Variants in ACTR5 observed in about 807,000 individuals in gnomAD.
ACTR5 encodes actin-related protein 5.
In ACTR5, 43 loss-of-function variants were observed where a neutral mutation model predicts 61.2. The observed-to-expected ratio is 0.70, with a 90% CI of 0.55 to 0.91. The LOEUF is 0.91. ACTR5 is among the 40% of genes least tolerant of loss of function. ACTR5 has a pLI of 0.00. For missense variants in ACTR5, 798 were observed against 782.2 expected (o/e 1.02, Z -0.24); for synonymous variants, 333 against 310.5 (o/e 1.07, Z -0.76).
At position 38,772,021 on chromosome 20, in the gene ACTR5, G is replaced by GA; in HGVS notation, c.*206dup. The GA allele has an allele frequency of 1.5e-6, 1 of 667,062 alleles. No homozygotes were observed. Among genetic ancestry groups the GA allele is most frequent in the Non-Finnish European group, 2.5e-6 (1 of 404,810 alleles). 41.3% of individuals were successfully genotyped at this position (667,062 alleles called of 1,614,324 possible). ...GGTTCACTTGGGGGCTTCTGTGGTA[G>GA]AGACTAACTGGCCTTCTGATGTCTT... On this transcript the variant is annotated 3_prime_UTR_variant, in exon 9 of 9. Coordinates refer to ENST00000243903, the MANE Select transcript of ACTR5 (RefSeq NM_024855.4).
At chr20:38,756,858 C>T (rs1003810968) in intron 5 of ACTR5, among the ~76,000 whole-genome samples, 6 of 152,302 alleles carry the variant, frequency 3.9e-5, no homozygotes, top group Non-Finnish European at 5.9e-5. Flanking sequence ...GAGCCGAGAC[C>T]GCTCCGTTGC....
At chr20:38,754,889 G>C (rs1461207497) in intron 3 of ACTR5, 68 bp from the exon 4 acceptor site, 18 of 1,534,740 alleles carry the variant, frequency 1.2e-5, no homozygotes, top group East Asian at 1.1e-4. Context: ...GCGCCCAGCT[G>C]GTATTGACTT....
At chr20:38,763,455 G>A (rs147710508) in intron 5 of ACTR5, among the ~76,000 whole-genome samples, 66 of 152,300 alleles carry the variant, frequency 4.3e-4, no homozygotes, top group Middle Eastern at 3.4e-3. Flanking sequence ...GCCTCAGCTG[G>A]TCTTGCTGCT....
At chr20:38,764,971 C>T (rs1242924381) in intron 5 of ACTR5, among the ~76,000 whole-genome samples, 1 of 152,250 alleles carries the variant, frequency 6.6e-6, no homozygotes, top group Non-Finnish European at 1.5e-5. Context: ...TGCTCCCTGG[C>T]CAGCAGATGT....
In ACTR5 at chr20:38,748,715, G is replaced by A. The variant is rs554183502; in HGVS notation, c.237G>A (p.Gln79=). 1 of 1,546,170 alleles carries A rather than the reference G, an allele frequency of 6.5e-7. No homozygotes were observed. Among genetic ancestry groups the A allele is most frequent in the East Asian group, 2.5e-5 (1 of 39,758 alleles). The change falls in exon 1 of 9, where the codon CAG becomes CAA. Residue 79 remains glutamine, a synonymous_variant. Coordinates refer to ENST00000243903, the MANE Select transcript of ACTR5 (RefSeq NM_024855.4). ...RGGARGASGP[Q]VGNALGSLEP... is the part of the protein sequence containing the mutation. ...GGGCACGGGGCGCGTCGGGCCCGCAGGTGGGGAACGCTCTGGGCAGCCTGG... is the reference window on the plus strand; with the variant it reads ...GGGCACGGGGCGCGTCGGGCCCGCAAGTGGGGAACGCTCTGGGCAGCCTGG...
rs1448332714 is a variant in ACTR5 at position 38,755,993 on chromosome 20, A to G, written c.1130A>G (p.Gln377Arg). ...GAGCAGGCTAAGCAGAAAATCCTCCAAGCGGAAGTCAACCTCGAGGTGGAT... is the reference window on the plus strand; with the variant it reads ...GAGCAGGCTAAGCAGAAAATCCTCCGAGCGGAAGTCAACCTCGAGGTGGAT... Reference protein sequence around the residue: ...AVEQAKQKILQAEVNLEVDVV... With the variant: ...AVEQAKQKILRAEVNLEVDVV... Residue 377 changes from glutamine (Q) to arginine (R), a missense_variant, in exon 5 of 9, where the codon CAA becomes CGA. Gln to Arg is a conservative substitution (Grantham distance 43). Coordinates refer to ENST00000243903, the MANE Select transcript of ACTR5 (RefSeq NM_024855.4). The G allele has an allele frequency of 3.1e-6, 5 of 1,613,894 alleles. No homozygotes were observed. In the South Asian group the frequency reaches 4.4e-5, roughly 14 times the overall value.
chr20:38,754,918 T>G (rs1479668997), intron 3 of ACTR5, 39 bp from the exon 4 acceptor site: 1 of 1,600,340 alleles, frequency 6.2e-7, no homozygotes, highest in Admixed American at 1.7e-5. Flanking sequence ...GTGTTAATAG[T>G]GTTTCCATTT....
Position 38,748,707 on chromosome 20 carries a change from G to A in ACTR5, c.229G>A (p.Gly77Ser), listed in dbSNP as rs748223812. Reference protein sequence around the residue: ...RGRGGARGASGPQVGNALGSL... With the variant: ...RGRGGARGASSPQVGNALGSL... ...TCGTGGCGGGGCACGGGGCGCGTCGGGCCCGCAGGTGGGGAACGCTCTGGG... is the reference window on the plus strand; with the variant it reads ...TCGTGGCGGGGCACGGGGCGCGTCGAGCCCGCAGGTGGGGAACGCTCTGGG... The change falls in exon 1 of 9, where the codon GGC becomes AGC. Residue 77 changes from glycine (G) to serine (S), a missense_variant. Gly to Ser is a moderately conservative substitution (Grantham distance 56). Transcript: ENST00000243903. 6.5e-7 allele frequency: 1 copy of A among 1,533,318 alleles called. No homozygotes were observed. The highest frequency in any genetic ancestry group is 2.6e-5 in the East Asian group (1 of 38,882). 95.0% of individuals were successfully genotyped at this position (1,533,318 alleles called of 1,614,324 possible).
At position 38,755,130 on chromosome 20, in the gene ACTR5, C is replaced by T. The variant is rs1284119044; in HGVS notation, c.949C>T (p.Leu317=). ...ELNARRREEK[L]QLDQERLDRL... Reference sequence around the variant, plus strand: ...CAATGCCCGGCGGCGGGAGGAGAAGCTGCAGCTGGATCAGGAGCGTCTGGA... The same window carrying T: ...CAATGCCCGGCGGCGGGAGGAGAAGTTGCAGCTGGATCAGGAGCGTCTGGA... The change falls in exon 4 of 9, where the codon CTG becomes TTG. Residue 317 remains leucine (L), a synonymous_variant. Coordinates refer to ENST00000243903, the MANE Select transcript of ACTR5 (RefSeq NM_024855.4). The T allele has an allele frequency of 1.2e-6, 2 of 1,613,652 alleles. No homozygotes were observed. Among genetic ancestry groups the T allele is most frequent in the African/African-American group, 2.7e-5 (2 of 74,938 alleles).
In ACTR5 at chr20:38,772,272, A is replaced by G. The variant is rs1601207606; in HGVS notation, c.*456A>G. On this transcript the variant is annotated 3_prime_UTR_variant, in exon 9 of 9. Transcript: ENST00000243903. ...CCCAGTGAGGGGAGGTCTTTCATGC[A>G]TATAAAAAGGTAATGTTTATTGCCG... 3 of 173,604 alleles carry G rather than the reference A, an allele frequency of 1.7e-5. No individual in the cohort carries two copies. Among genetic ancestry groups the G allele is most frequent in the Admixed American group, 1.1e-4 (2 of 18,216 alleles). 10.8% of individuals were successfully genotyped at this position (173,604 alleles called of 1,614,324 possible). A position where few individuals can be genotyped will look rare whatever the true frequency, so the allele number is the denominator to read the frequency against.
chr20:38,758,211 C>A (rs886264713), intron 5 of ACTR5, among the ~76,000 whole-genome samples: 1 of 152,174 alleles, frequency 6.6e-6, no homozygotes, highest in African/African-American at 2.4e-5. Context: ...TGTGATTCAT[C>A]ACCCATTCCC....
Position 38,766,507 on chromosome 20 carries a change from G to T in ACTR5, c.1433+130G>T. The T allele has an allele frequency of 3.3e-6, 4 of 1,210,872 alleles. No individual in the cohort carries two copies. The South Asian group carries it at 4.8e-5, about 15-fold the overall frequency. The allele number at this position is 1,210,872 out of a possible 1,614,324, so 75.0% of individuals were successfully genotyped here. ...TCTCTTCTTTTCATTGACTTGCTGT[G>T]CTCAGATAGTATTCCCTTCATCTCT... On this transcript the variant is annotated intron_variant, in intron 7 of 8. Transcript: ENST00000243903.
At chr20:38,752,328 T>G (rs1312810917) in intron 3 of ACTR5, 28 bp downstream of exon 3, 1 of 1,572,732 alleles carries the variant, frequency 6.4e-7, no homozygotes, top group Admixed American at 1.8e-5. Flanking sequence ...TGCCTGCAGC[T>G]TTTGGGTGTT....
At chr20:38,751,083 A>ATCGGAAACAAC (rs1216830061) in intron 2 of ACTR5, among the ~76,000 whole-genome samples, 1 of 152,044 alleles carries the variant, frequency 6.6e-6, no homozygotes, top group Non-Finnish European at 1.5e-5. Context: ...GTTGAGCTTT[A>ATCGGAAACAAC]ACTGTCTGAT....
chr20:38,763,004 C>T (rs1402529277), intron 5 of ACTR5, among the ~76,000 whole-genome samples: 1 of 152,184 alleles, frequency 6.6e-6, no homozygotes, highest in African/African-American at 2.4e-5. Context: ...GTTCGTTTCT[C>T]ACCCGACGCT....
intron 1 of ACTR5, 77 bp downstream of exon 1, chr20:38,748,930 G>A: frequency 6.6e-7 from 1 of 1,506,150 alleles, no homozygotes; most frequent in Non-Finnish European, 8.9e-7. Context: ...CTCTGCTCTC[G>A]GAGAGGTAAC....
Position 38,752,265 on chromosome 20 carries a change from A to G in ACTR5, c.740A>G (p.His247Arg), listed in dbSNP as rs778728894. ...CTCAGCCGCATGGAGGAGATTCTGC[A>G]TGAGCACAGCTACATCGCTGAGGAT... ...ITLSRMEEIL[H>R]EHSYIAEDYV... The change falls in exon 3 of 9, where the codon CAT becomes CGT. Residue 247 changes from histidine (H) to arginine (R), a missense_variant. Transcript: ENST00000243903. 13 of 1,613,628 alleles carry G rather than the reference A, an allele frequency of 8.1e-6. No homozygotes were observed. Among genetic ancestry groups the G allele is most frequent in the Non-Finnish European group, 1.1e-5 (13 of 1,179,656 alleles).
chr20:38,771,780 C>T lies in ACTR5; in HGVS notation c.1788C>T (p.Ser596=), dbSNP rs141630517. 50 of 1,613,332 alleles carry T rather than the reference C, an allele frequency of 3.1e-5. No homozygotes were observed. The highest frequency in any genetic ancestry group is 2.7e-4 in the Admixed American group (16 of 59,960). ...SSDAQASSKG[S]AAGGGGAGEQ... ...ATGCCCAGGCATCCAGCAAGGGCTCCGCTGCTGGTGGAGGTGGTGCTGGTG... is the reference window on the plus strand; with the variant it reads ...ATGCCCAGGCATCCAGCAAGGGCTCTGCTGCTGGTGGAGGTGGTGCTGGTG... The change falls in exon 9 of 9, where the codon TCC becomes TCT. Residue 596 remains serine, a synonymous_variant. Transcript: ENST00000243903.
chr20:38,757,930 G>A (rs779911515), intron 5 of ACTR5, among the ~76,000 whole-genome samples: 3 of 151,400 alleles, frequency 2.0e-5, no homozygotes, highest in African/African-American at 4.9e-5. Context: ...GGTTTTTCAG[G>A]TCTTTGAGAT....
Sources: allele counts gnomAD v4.1 joint callset (sites outside exome capture counted in the v4.1 genomes callset), GRCh38; gene constraint gnomAD v4.1.1; transcripts MANE v1.5; gene names NCBI Gene and HGNC (gene_info 2026-07-23, HGNC 2026-07-21).